UNC5D: variants seen among roughly 807,000 people sequenced by gnomAD.
The protein encoded by UNC5D is netrin receptor UNC5D.
UNC5D carries 39 observed loss-of-function variants against 105.4 expected under a neutral mutation model. That is an observed-to-expected ratio of 0.37 (90% CI 0.29 to 0.48). UNC5D has a LOEUF of 0.48. Among genes scored for constraint, UNC5D ranks in the 20% least tolerant of loss-of-function variants. The pLI is 0.98. For synonymous variants in UNC5D, 452 were observed against 450.4 expected (o/e 1.00, Z -0.04); for missense variants, 991 against 1,202.4 (o/e 0.82, Z 2.60).
intron 2 of UNC5D, among the ~76,000 whole-genome samples, chr8:35,566,998 G>T (rs1277326881): frequency 2.0e-5 from 3 of 151,938 alleles, no homozygotes; most frequent in Non-Finnish European, 4.4e-5. Context: ...CTTGGTCAAA[G>T]GTGGAGAAGA....
chr8:35,308,609 C>T (rs1004853634), intron 1 of UNC5D, among the ~76,000 whole-genome samples: 3 of 152,078 alleles, frequency 2.0e-5, no homozygotes, highest in Non-Finnish European at 4.4e-5. Flanking sequence ...GTAGTAGGAA[C>T]CAAAGCTCGA....
At chr8:35,666,194 A>G (rs1824411505) in intron 4 of UNC5D, among the ~76,000 whole-genome samples, 1 of 152,046 alleles carries the variant, frequency 6.6e-6, no homozygotes, top group Admixed American at 6.6e-5. Context: ...ATGCCTATGA[A>G]GAAATAATAT....
At chr8:35,789,145 A>G (rs1222156643) in intron 16 of UNC5D, among the ~76,000 whole-genome samples, 1 of 47,482 alleles carries the variant, frequency 2.1e-5, no homozygotes, top group Non-Finnish European at 4.0e-5. Flanking sequence ...GACTATATAT[A>G]TATATATATA....
chr8:35,421,383 G>T (rs1805888499), intron 1 of UNC5D, among the ~76,000 whole-genome samples: 1 of 152,012 alleles, frequency 6.6e-6, no homozygotes, highest in Non-Finnish European at 1.5e-5. Context: ...AGGGAGAAGA[G>T]AATTATTAGT....
chr8:35,786,614 TC>T (rs1298804888), intron 16 of UNC5D, among the ~76,000 whole-genome samples: 1 of 152,204 alleles, frequency 6.6e-6, no homozygotes, highest in East Asian at 1.9e-4. Flanking sequence ...GCCCTGGTGT[TC>T]CTGTCATGTC....
At chr8:35,434,276 G>A (rs1231867049) in intron 1 of UNC5D, among the ~76,000 whole-genome samples, 1 of 151,982 alleles carries the variant, frequency 6.6e-6, no homozygotes, top group Non-Finnish European at 1.5e-5. Flanking sequence ...ACATTTTAAT[G>A]AAAATGTAGC....
intron 1 of UNC5D, among the ~76,000 whole-genome samples, chr8:35,445,957 T>C (rs1219834057): frequency 6.6e-6 from 1 of 152,096 alleles, no homozygotes; most frequent in Admixed American, 6.6e-5. Context: ...AATTTGCTTG[T>C]ATTTGCTTAA....
intron 1 of UNC5D, among the ~76,000 whole-genome samples, chr8:35,325,720 C>A (rs1311470888): frequency 6.6e-6 from 1 of 152,168 alleles, no homozygotes; most frequent in Non-Finnish European, 1.5e-5. Context: ...CAAAAGACTT[C>A]AAGGAAGGCA....
At chr8:35,258,116 G>T (rs950532585) in intron 1 of UNC5D, among the ~76,000 whole-genome samples, 1 of 152,154 alleles carries the variant, frequency 6.6e-6, no homozygotes, top group Non-Finnish European at 1.5e-5. Flanking sequence ...TAGGAGGGCT[G>T]CTCTCTGCTT....
chr8:35,393,935 T>TGCTTTCATCTTCTTTTTTCTC (rs1390597432), intron 1 of UNC5D, among the ~76,000 whole-genome samples: 11 of 152,216 alleles, frequency 7.2e-5, no homozygotes, highest in African/African-American at 2.7e-4. Flanking sequence ...GGACTTTTTT[T>TGCTTTCATCTTCTTTTTTCTC]GCTTTCATCT....
chr8:35,708,366 C>T (rs78267044), intron 8 of UNC5D, among the ~76,000 whole-genome samples: 2,630 of 152,294 alleles, frequency 0.017, 84 homozygotes, highest in African/African-American at 0.061. Context: ...TAATCAATTA[C>T]GTTTCCTAAT....
At chr8:35,398,521 A>T (rs1488237490) in intron 1 of UNC5D, among the ~76,000 whole-genome samples, 1 of 152,032 alleles carries the variant, frequency 6.6e-6, no homozygotes, top group Non-Finnish European at 1.5e-5. Context: ...AGTGCTTCTA[A>T]GCAGACATTA....
intron 2 of UNC5D, among the ~76,000 whole-genome samples, chr8:35,556,399 C>T (rs1477173146): frequency 6.6e-6 from 1 of 152,152 alleles, no homozygotes; most frequent in East Asian, 1.9e-4. Context: ...ATGTTACCCT[C>T]AGAGTCCATG....
At chr8:35,759,494 A>G (rs748393940) in intron 14 of UNC5D, 25 bp downstream of exon 14, 10 of 1,598,668 alleles carry the variant, frequency 6.3e-6, no homozygotes, top group Non-Finnish European at 7.7e-6. Context: ...GGTTTCTAAC[A>G]GAAACGGCTT....
intron 1 of UNC5D, among the ~76,000 whole-genome samples, chr8:35,535,243 G>A (rs1814745615): frequency 6.6e-6 from 1 of 152,052 alleles, no homozygotes; most frequent in African/African-American, 2.4e-5. Context: ...TGTACATGGA[G>A]GAAGGGTGCT....
chr8:35,676,884 T>C (rs1358789275), intron 4 of UNC5D, among the ~76,000 whole-genome samples: 5 of 151,420 alleles, frequency 3.3e-5, no homozygotes, highest in African/African-American at 1.2e-4. Context: ...GGGGCAAATC[T>C]ACATCTCACT....
At chr8:35,507,420 GC>G (rs139663875) in intron 1 of UNC5D, among the ~76,000 whole-genome samples, 7,666 of 152,204 alleles carry the variant, frequency 0.05, 438 homozygotes, top group East Asian at 0.29. Flanking sequence ...GGTTATTGGT[GC>G]CATTAGAGGC....
rs1415748793 is a variant in UNC5D, at chr8:35,487,593, A to ACACACACACCCCC, written c.104-61698_104-61697insACACACACCCCCC. 6.4e-3 allele frequency among the ~76,000 whole-genome samples: 963 copies of ACACACACACCCCC among 150,540 alleles called. 14 individuals carry two copies. Among genetic ancestry groups the ACACACACACCCCC allele is most frequent in the African/African-American group, 0.023 (920 of 40,666 alleles). ...CACACACACACACACACACACACACACCCCACAGACTGTTAGTTTTAGTTC... is the reference window on the plus strand; with the variant it reads ...CACACACACACACACACACACACACACACACACACCCCCCCCCACAGACTGTTAGTTTTAGTTC... On this transcript the variant is annotated intron_variant, in intron 1 of 16. Transcript: ENST00000404895.
intron 3 of UNC5D, among the ~76,000 whole-genome samples, chr8:35,576,534 G>A (rs1395439019): frequency 6.6e-6 from 1 of 152,194 alleles, no homozygotes; most frequent in African/African-American, 2.4e-5. Context: ...AGGAATACAT[G>A]TCTGGCAGTG....
Sources: allele counts gnomAD v4.1 joint callset (sites outside exome capture counted in the v4.1 genomes callset), GRCh38; gene constraint gnomAD v4.1.1; transcripts MANE v1.5; gene names NCBI Gene and HGNC (gene_info 2026-07-23, HGNC 2026-07-21).